The following CNKSR2 variants were observed in gnomAD, a reference collection of about 807,000 sequenced individuals.
CNKSR2 encodes the protein connector enhancer of kinase suppressor of Ras 2.
In CNKSR2, 14 loss-of-function variants were observed where a neutral mutation model predicts 84.4. That is an observed-to-expected ratio of 0.17 (90% CI 0.11 to 0.26). The LOEUF (loss-of-function observed/expected upper bound fraction) is 0.26, where lower values mean the gene tolerates loss of function less well. CNKSR2 is among the 10% of genes least tolerant of loss of function. The pLI is 1.00. For synonymous variants in CNKSR2, 275 were observed against 277.9 expected (o/e 0.99, Z 0.10); for missense variants, 485 against 771.2 (o/e 0.63, Z 4.40).
chrX:21,534,222 A>G (rs1460886772), intron 11 of CNKSR2, among the ~76,000 whole-genome samples: 1 of 110,403 alleles, frequency 9.1e-6, no homozygotes, highest in East Asian at 2.8e-4. Context: ...TACTTAACAT[A>G]ATGTCTTCCA....
rs2090649986 is a variant in CNKSR2 at position 21,432,641 on chromosome X, A to G, written c.258A>G (p.Lys86=). ...LNYGLETENL[K]TLSHKLNASA... ...ATGGCTTGGAAACAGAAAATCTAAA[A>G]ACCCTTTCTCACAAGTTGAATGCAT... Residue 86 remains lysine, a synonymous_variant, in exon 3 of 22, where the codon AAA becomes AAG. Transcript: ENST00000379510. The G allele has an allele frequency of 8.5e-7, 1 of 1,181,326 alleles. No homozygotes were observed. Among genetic ancestry groups the G allele is most frequent in the Admixed American group, 2.4e-5 (1 of 42,044 alleles).
At chrX:21,579,021 T>A (rs1268025025) in intron 13 of CNKSR2, among the ~76,000 whole-genome samples, 1 of 111,569 alleles carries the variant, frequency 9.0e-6, no homozygotes, top group Non-Finnish European at 1.9e-5. Context: ...AAGGAGGAGA[T>A]CCGATTGGAG....
intron 1 of CNKSR2, among the ~76,000 whole-genome samples, chrX:21,376,258 C>T (rs2089814239): frequency 8.9e-6 from 1 of 112,182 alleles, no homozygotes; most frequent in Admixed American, 9.4e-5. Context: ...TTCTTTTCCC[C>T]AGCCTTTTTG....
intron 13 of CNKSR2, among the ~76,000 whole-genome samples, chrX:21,589,031 A>G (rs745444269): frequency 8.9e-6 from 1 of 112,757 alleles, no homozygotes; most frequent in South Asian, 3.6e-4. Flanking sequence ...AAGAAAATCA[A>G]CACAGCATAA....
chrX:21,527,470 C>T (rs755650799), intron 10 of CNKSR2, among the ~76,000 whole-genome samples: 1 of 109,721 alleles, frequency 9.1e-6, no homozygotes, highest in South Asian at 3.9e-4. Context: ...GTCTTTTTCC[C>T]CTAATAATCC....
chrX:21,378,061 A>G (rs2089844900), intron 1 of CNKSR2, among the ~76,000 whole-genome samples: 1 of 111,480 alleles, frequency 9.0e-6, no homozygotes, highest in Admixed American at 9.5e-5. Flanking sequence ...ACTCAACTAA[A>G]TTTTCTACTG....
chrX:21,484,817 TAA>T (rs2091362660), intron 5 of CNKSR2, among the ~76,000 whole-genome samples: 2 of 111,741 alleles, frequency 1.8e-5, no homozygotes, highest in Admixed American at 1.9e-4. Flanking sequence ...CAGACTGACA[TAA>T]GAGTTTTTTC....
At chrX:21,619,566 T>C (rs2092592687) in intron 20 of CNKSR2, among the ~76,000 whole-genome samples, 1 of 111,614 alleles carries the variant, frequency 9.0e-6, no homozygotes, top group South Asian at 3.8e-4. Flanking sequence ...ATCTATTCAC[T>C]TAAGACCTCC....
At chrX:21,454,506 G>A (rs752785340) in intron 4 of CNKSR2, among the ~76,000 whole-genome samples, 1 of 112,020 alleles carries the variant, frequency 8.9e-6, no homozygotes, top group East Asian at 2.8e-4. Flanking sequence ...CCTATCCCCA[G>A]AACAAGGACA....
chrX:21,471,231 G>A (rs926382858), intron 5 of CNKSR2, among the ~76,000 whole-genome samples: 4 of 111,413 alleles, frequency 3.6e-5, no homozygotes, highest in Non-Finnish European at 7.5e-5. Context: ...CTATACCTAC[G>A]AGACAACCTT....
chrX:21,527,164 T>C (rs1446464895), intron 10 of CNKSR2, among the ~76,000 whole-genome samples, 164 bp downstream of exon 10: 2 of 110,945 alleles, frequency 1.8e-5, no homozygotes, highest in Non-Finnish European at 3.8e-5. Context: ...CATGCATGTT[T>C]ATTAATAATA....
In CNKSR2 at chrX:21,420,982, T is replaced by C. The variant is rs147615445; in HGVS notation, c.65-5515T>C. ...GATTTGCAGTCCTTGTGGCCTAGAC[T>C]GTGTTTCAAGTTTATTTATTTAAAT... On this transcript the variant is annotated intron_variant, in intron 1 of 21. Transcript: ENST00000379510. Among the ~76,000 whole-genome samples, 1,034 of 111,426 alleles carry C rather than the reference T, an allele frequency of 9.3e-3. 11 individuals carry two copies. The highest frequency in any genetic ancestry group is 0.031 in the African/African-American group (949 of 30,667).
intron 1 of CNKSR2, among the ~76,000 whole-genome samples, chrX:21,414,692 GA>G (rs2090393096): frequency 8.9e-6 from 1 of 111,841 alleles, no homozygotes; most frequent in Non-Finnish European, 1.9e-5. Flanking sequence ...TTCATAGTTT[GA>G]GGTCTTTAAG....
At chrX:21,641,684 CT>C in intron 20 of CNKSR2, 1 of 1,102,780 alleles carries the variant, frequency 9.1e-7, no homozygotes, top group Non-Finnish European at 1.2e-6. Context: ...CAACATCAAC[CT>C]CTTGCAAGCA....
Position 21,609,299 on chromosome X carries a change from T to G in CNKSR2, c.2374T>G (p.Ser792Ala), listed in dbSNP as rs1214899406. The change falls in exon 20 of 22, where the codon TCT becomes GCT. Residue 792 changes from serine (S) to alanine (A), a missense_variant. Physicochemically the swap from Ser to Ala is moderately conservative, Grantham distance 99. Transcript: ENST00000379510. ...HYLQTLPLED[S>A]VFSDSAAISP... ...TCTTCAGACTCTGCCCCTGGAGGAT[T>G]CTGTCTTCTCTGACTCCGCGGCCAT... is the stretch of plus-strand genomic sequence containing the variant. The G allele has an allele frequency of 1.7e-6, 2 of 1,209,653 alleles. No individual in the cohort carries two copies. Among genetic ancestry groups the G allele is most frequent in the Admixed American group, 4.4e-5 (2 of 45,706 alleles).
intron 20 of CNKSR2, among the ~76,000 whole-genome samples, chrX:21,620,103 A>G (rs1433869513): frequency 9.0e-6 from 1 of 111,581 alleles, no homozygotes; most frequent in Non-Finnish European, 1.9e-5. Flanking sequence ...AGAGGTAGGC[A>G]AGATGTTTAT....
chrX:21,494,614 G>A (rs2091474462), intron 6 of CNKSR2: 1 of 110,799 alleles, frequency 9.0e-6, no homozygotes, highest in Non-Finnish European at 1.9e-5. Flanking sequence ...TATTTATATG[G>A]GGGTGGGAAG....
intron 9 of CNKSR2, among the ~76,000 whole-genome samples, chrX:21,518,196 TA>T (rs778365171): frequency 1.8e-5 from 2 of 111,412 alleles, no homozygotes; most frequent in Admixed American, 9.6e-5. Context: ...CCCATTACAT[TA>T]TTTTTTTTCA....
intron 10 of CNKSR2, among the ~76,000 whole-genome samples, chrX:21,530,999 G>C (rs2091881280): frequency 9.1e-6 from 1 of 110,194 alleles, no homozygotes; most frequent in South Asian, 3.8e-4. Flanking sequence ...TATTTTATCA[G>C]ATTACCTTCT....
Sources: gnomAD v4.1 joint callset for allele counts (sites outside exome capture counted in the v4.1 genomes callset) on GRCh38, gnomAD v4.1.1 for gene constraint, MANE v1.5 for transcripts, NCBI Gene and HGNC (gene_info 2026-07-23, HGNC 2026-07-21) for gene names.